The following C2orf76 variants were observed in gnomAD, a reference collection of about 807,000 sequenced individuals.
C2orf76 encodes the protein chromosome 2 open reading frame 76, also known as UPF0538 protein C2orf76.
A neutral mutation model predicts 16.9 loss-of-function variants in C2orf76; 23 were observed. The observed-to-expected ratio is 1.36, with a 90% CI of 0.98 to 1.93. The LOEUF is 1.93. C2orf76 is among the 30% of genes most tolerant of loss of function. C2orf76 has a pLI of 0.00. For synonymous variants in C2orf76, 48 were observed against 52.3 expected (o/e 0.92, Z 0.35); for missense variants, 152 against 152.6 (o/e 1.00, Z 0.02).
chr2:119,286,611 G>A, the C2orf76 span, among the ~76,000 whole-genome samples: 1 of 152,142 alleles, frequency 6.6e-6, no homozygotes, highest in Non-Finnish European at 1.5e-5. Flanking sequence ...GCCAGAGTGT[G>A]CTCGTGATTC....
intron 4 of C2orf76, among the ~76,000 whole-genome samples, chr2:119,313,494 G>T (rs1394588046): frequency 6.6e-6 from 1 of 151,974 alleles, no homozygotes; most frequent in Non-Finnish European, 1.5e-5. Flanking sequence ...TACTCAGGAG[G>T]CTGAAGCAGG....
intron 3 of C2orf76, among the ~76,000 whole-genome samples, chr2:119,318,901 A>T (rs1432003120): frequency 6.6e-6 from 1 of 152,116 alleles, no homozygotes; most frequent in Non-Finnish European, 1.5e-5. Context: ...ATCTAACCTA[A>T]GTAAAATATG....
At chr2:119,303,530 T>G (rs943629168) in intron 5 of C2orf76, among the ~76,000 whole-genome samples, 10 of 152,136 alleles carry the variant, frequency 6.6e-5, no homozygotes, top group Non-Finnish European at 1.5e-4. Flanking sequence ...AACAGACAAG[T>G]AAAACTCTCC....
intron 1 of C2orf76, among the ~76,000 whole-genome samples, chr2:119,355,710 A>G (rs1680549165): frequency 6.6e-6 from 1 of 152,176 alleles, no homozygotes; most frequent in Non-Finnish European, 1.5e-5. Flanking sequence ...ATGATCTCAG[A>G]TGGGACAGTT....
chr2:119,326,680 G>C (rs576086536), intron 2 of C2orf76, among the ~76,000 whole-genome samples: 1 of 151,918 alleles, frequency 6.6e-6, no homozygotes, highest in African/African-American at 2.4e-5. Context: ...TAACAGTTTT[G>C]AGTTTTCTGA....
chr2:119,350,769 G>A (rs1001500065), intron 1 of C2orf76, among the ~76,000 whole-genome samples: 2 of 152,170 alleles, frequency 1.3e-5, no homozygotes, highest in East Asian at 1.9e-4. Flanking sequence ...TAACTGCAAC[G>A]CTCCTTAACT....
chr2:119,285,901 G>A, the C2orf76 span, among the ~76,000 whole-genome samples: 1 of 152,114 alleles, frequency 6.6e-6, no homozygotes, highest in South Asian at 2.1e-4. Flanking sequence ...ACCTCAGGGA[G>A]AGCCACATCG....
chr2:119,302,643 G>T, intron 5 of C2orf76, 95 bp from the exon 6 acceptor site: 1 of 629,924 alleles, frequency 1.6e-6, no homozygotes, highest in Non-Finnish European at 2.5e-6. Context: ...CGGTATTTCA[G>T]AATAGCTTCA....
the C2orf76 span, among the ~76,000 whole-genome samples, chr2:119,287,233 C>T: frequency 2.0e-5 from 3 of 152,208 alleles, no homozygotes; most frequent in Non-Finnish European, 2.9e-5. Context: ...GGCTCAGTCT[C>T]GCTTCTGATG....
chr2:119,330,909 C>T, intron 2 of C2orf76, among the ~76,000 whole-genome samples: 1 of 152,200 alleles, frequency 6.6e-6, no homozygotes, highest in East Asian at 1.9e-4. Flanking sequence ...CCATTGCTAA[C>T]ATGCTCAATC....
chr2:119,314,452 TTTA>T (rs1416199630), intron 4 of C2orf76, among the ~76,000 whole-genome samples: 3 of 152,178 alleles, frequency 2.0e-5, no homozygotes, highest in Non-Finnish European at 4.4e-5. Context: ...TCAAATACTA[TTTA>T]TTGAGTCCTC....
At chr2:119,325,244 G>A (rs1468828647) in intron 2 of C2orf76, among the ~76,000 whole-genome samples, 1 of 152,118 alleles carries the variant, frequency 6.6e-6, no homozygotes, top group Admixed American at 6.5e-5. Context: ...TGGGCCACCT[G>A]AGGTCAAGAG....
At chr2:119,294,907 A>G in the C2orf76 span, among the ~76,000 whole-genome samples, 1 of 152,142 alleles carries the variant, frequency 6.6e-6, no homozygotes, top group African/African-American at 2.4e-5. Flanking sequence ...GAGATTGATG[A>G]GAAGGCATAG....
At chr2:119,357,060 A>G (rs1680593843) in intron 1 of C2orf76, among the ~76,000 whole-genome samples, 1 of 151,982 alleles carries the variant, frequency 6.6e-6, no homozygotes, top group South Asian at 2.1e-4. Context: ...GGAAAAAAGG[A>G]AGGAAGGAAG....
At chr2:119,334,457 C>A (rs1679778156) in intron 2 of C2orf76, among the ~76,000 whole-genome samples, 1 of 149,698 alleles carries the variant, frequency 6.7e-6, no homozygotes, top group Non-Finnish European at 1.5e-5. Context: ...GAGGCCGAGG[C>A]AGCGGACTGC....
chr2:119,284,559 C>T, the C2orf76 span, among the ~76,000 whole-genome samples: 1 of 152,116 alleles, frequency 6.6e-6, no homozygotes, highest in Non-Finnish European at 1.5e-5. Flanking sequence ...TACCAAATTA[C>T]CTCCACCCCA....
chr2:119,323,913 C>T (rs556572307), intron 2 of C2orf76, among the ~76,000 whole-genome samples: 1 of 152,222 alleles, frequency 6.6e-6, no homozygotes, highest in African/African-American at 2.4e-5. Flanking sequence ...ACACTATAGG[C>T]CAAAAGAAAC....
In C2orf76 at chr2:119,313,725, G is replaced by A. The variant is rs368384792; in HGVS notation, c.223-2022C>T. Reference sequence around the variant, plus strand: ...CACCAGCTATCTAGTTCTCCAGAGAGGACTGGGACCACTGAGAGGACCTGT... The same window carrying A: ...CACCAGCTATCTAGTTCTCCAGAGAAGACTGGGACCACTGAGAGGACCTGT... On this transcript the variant is annotated intron_variant, in intron 4 of 5. Transcript: ENST00000334816. Among the ~76,000 whole-genome samples the A allele has an allele frequency of 7.2e-5, 11 of 152,230 alleles. No individual in the cohort carries two copies. In the East Asian group the frequency reaches 1.5e-3, roughly 21 times the overall value.
chr2:119,364,410 G>A (rs149725323), intron 1 of C2orf76, among the ~76,000 whole-genome samples: 1 of 152,270 alleles, frequency 6.6e-6, no homozygotes, highest in East Asian at 1.9e-4. Flanking sequence ...CATGGTCCTT[G>A]CACCAGAGTT....
Sources: allele counts gnomAD v4.1 joint callset (sites outside exome capture counted in the v4.1 genomes callset), GRCh38; gene constraint gnomAD v4.1.1; transcripts MANE v1.5; gene names NCBI Gene and HGNC (gene_info 2026-07-23, HGNC 2026-07-21).